YARS1: variants seen among roughly 807,000 people sequenced by gnomAD.
The protein encoded by YARS1 is tyrosine--tRNA ligase, cytoplasmic.
YARS1 carries 36 observed loss-of-function variants against 62.2 expected under a neutral mutation model. The ratio of observed to expected loss-of-function variants is 0.58; its 90% CI spans 0.44 to 0.76. YARS1 has a LOEUF of 0.76. Among genes scored for constraint, YARS1 ranks in the 30% least tolerant of loss-of-function variants. YARS1 has a pLI of 0.00. For synonymous variants in YARS1, 234 were observed against 244.9 expected, an observed-to-expected ratio of 0.96 and a Z score of 0.42; for missense variants, 524 against 639.8, an observed-to-expected ratio of 0.82 and a Z score of 1.95.
chr1:32,799,952 C>T (rs1383974407), intron 4 of YARS1, among the ~76,000 whole-genome samples: 1 of 151,832 alleles, frequency 6.6e-6, no homozygotes, highest in Non-Finnish European at 1.5e-5. Flanking sequence ...AACCATGGCG[C>T]CCAGCCAACA....
intron 7 of YARS1, 178 bp downstream of exon 7, chr1:32,786,762 T>C: frequency 1.1e-6 from 1 of 942,956 alleles, no homozygotes; most frequent in Non-Finnish European, 1.6e-6. Context: ...TGGTAACGAA[T>C]ATATGGACAA....
chr1:32,812,393 G>T (rs185311651), intron 1 of YARS1, among the ~76,000 whole-genome samples: 1 of 152,152 alleles, frequency 6.6e-6, no homozygotes, highest in Admixed American at 6.6e-5. Context: ...ACTCTCTGTA[G>T]CAATAAGATA....
chr1:32,784,065 C>T (rs1259864081), intron 8 of YARS1, among the ~76,000 whole-genome samples: 3 of 150,936 alleles, frequency 2.0e-5, no homozygotes, highest in Admixed American at 6.6e-5. Context: ...AGTACAGTGG[C>T]GCAATCATGG....
chr1:32,797,751 GCAGA>G lies in YARS1; in HGVS notation c.591+8_591+11del, dbSNP rs1653651331. 1 of 1,612,938 alleles carries G rather than the reference GCAGA, an allele frequency of 6.2e-7. No individual in the cohort carries two copies. Among genetic ancestry groups the G allele is most frequent in the Non-Finnish European group, 8.5e-7 (1 of 1,179,058 alleles). On this transcript the variant is annotated splice_region_variant and intron_variant, in intron 5 of 12. Coordinates refer to ENST00000373477, the MANE Select transcript of YARS1 (RefSeq NM_003680.4). ...GGTGCAAGTGAAAAAAGACAGGAAA[GCAGA>G]CACTCACCTTCTCTGCAAAGGTGAA...
chr1:32,798,382 C>T (rs571216418), intron 4 of YARS1, among the ~76,000 whole-genome samples: 1 of 152,306 alleles, frequency 6.6e-6, no homozygotes, highest in East Asian at 1.9e-4. Context: ...GTAGTCTCTG[C>T]CCTCAGGATA....
chr1:32,789,316 T>C (rs1381581952), intron 6 of YARS1, among the ~76,000 whole-genome samples: 1 of 152,218 alleles, frequency 6.6e-6, no homozygotes, highest in African/African-American at 2.4e-5. Context: ...TTCAAAATTG[T>C]TTTTTGAAAG....
At chr1:32,796,890 G>A (rs572351095) in intron 5 of YARS1, among the ~76,000 whole-genome samples, 211 of 140,548 alleles carry the variant, frequency 1.5e-3, no homozygotes, top group African/African-American at 5.1e-3. Flanking sequence ...GCTTGAACCC[G>A]GGAGGTGGAG....
chr1:32,796,363 T>C (rs1653582838), intron 5 of YARS1, among the ~76,000 whole-genome samples: 1 of 146,796 alleles, frequency 6.8e-6, no homozygotes, highest in South Asian at 2.1e-4. Flanking sequence ...TTTATTTTTT[T>C]CTTTTTTGTT....
In YARS1 at chr1:32,775,785, T is replaced by C; in HGVS notation, c.*196A>G. 1 of 616,880 alleles carries C rather than the reference T, an allele frequency of 1.6e-6. No homozygotes were observed. Among genetic ancestry groups the C allele is most frequent in the Non-Finnish European group, 2.9e-6 (1 of 343,660 alleles). 38.2% of individuals were successfully genotyped at this position (616,880 alleles called of 1,614,324 possible). A position where few individuals can be genotyped will look rare whatever the true frequency, so the allele number is the denominator to read the frequency against. On this transcript the variant is annotated 3_prime_UTR_variant, in exon 13 of 13. Coordinates refer to ENST00000373477, the MANE Select transcript of YARS1 (RefSeq NM_003680.4). The stretch of plus-strand genomic sequence containing the variant: ...GCCCAGCCCTTGTTAGGGGTTGGTC[T>C]CTCACTGCAGCCAGACAGGATGATC...
intron 12 of YARS1, 50 bp downstream of exon 12, chr1:32,779,332 A>G (rs1652979653): frequency 6.2e-7 from 1 of 1,613,842 alleles, no homozygotes; most frequent in Non-Finnish European, 8.5e-7. Flanking sequence ...CAGTCTGGGG[A>G]CACAGTCCAG....
At position 32,780,115 on chromosome 1, in the gene YARS1, T is replaced by G; in HGVS notation, c.1304A>C (p.Glu435Ala). Reference sequence around the variant, plus strand: ...AGCACACAGAAGCATGCCTTGGGACTCGACTCCTCTCATCTTCTGGGGTTT... The same window carrying G: ...AGCACACAGAAGCATGCCTTGGGACGCGACTCCTCTCATCTTCTGGGGTTT... ...NLKPQKMRGV[E>A]SQGMLLCASI... is the part of the protein sequence containing the mutation. Residue 435 changes from glutamate to alanine, a missense_variant, in exon 11 of 13, where the codon GAG (glutamate) becomes GCG (alanine). Glu to Ala is a moderately radical substitution (Grantham distance 107). Transcript: ENST00000373477. The G allele has an allele frequency of 6.2e-7, 1 of 1,614,132 alleles. No individual in the cohort carries two copies. The highest frequency in any genetic ancestry group is 8.5e-7 in the Non-Finnish European group (1 of 1,180,032).
At chr1:32,799,491 A>C (rs1033593105) in intron 4 of YARS1, among the ~76,000 whole-genome samples, 17 of 152,226 alleles carry the variant, frequency 1.1e-4, no homozygotes, top group Non-Finnish European at 1.8e-4. Context: ...ACAAAAGACA[A>C]TGAGGACGCA....
chr1:32,787,975 T>C (rs1369089571), intron 6 of YARS1, among the ~76,000 whole-genome samples: 1 of 152,044 alleles, frequency 6.6e-6, no homozygotes, highest in Non-Finnish European at 1.5e-5. Context: ...CTGGGTGTGG[T>C]TGTACGCGCC....
At chr1:32,787,543 T>C (rs1569724185) in intron 6 of YARS1, among the ~76,000 whole-genome samples, 1 of 150,570 alleles carries the variant, frequency 6.6e-6, no homozygotes, top group Non-Finnish European at 1.5e-5. Flanking sequence ...GGAGTCTCAC[T>C]CTGTTGCCCA....
At chr1:32,805,716 C>T (rs1428392326) in intron 4 of YARS1, among the ~76,000 whole-genome samples, 6 of 152,152 alleles carry the variant, frequency 3.9e-5, no homozygotes, top group African/African-American at 1.4e-4. Flanking sequence ...AATCCCAGCA[C>T]TGTGGGAGGC....
intron 4 of YARS1, 98 bp downstream of exon 4, chr1:32,806,384 A>AT: frequency 6.3e-7 from 1 of 1,592,966 alleles, no homozygotes; most frequent in Non-Finnish European, 8.6e-7. Flanking sequence ...AAAAAACACA[A>AT]TATCTGCGTA....
At chr1:32,796,785 G>A (rs1161143429) in intron 5 of YARS1, among the ~76,000 whole-genome samples, 1 of 150,226 alleles carries the variant, frequency 6.7e-6, no homozygotes, top group African/African-American at 2.5e-5. Context: ...CCAACATGGT[G>A]AAACCCCATC....
rs538605081 is a variant in YARS1, at chr1:32,803,584, A to C, written c.510+2898T>G. On this transcript the variant is annotated intron_variant, in intron 4 of 12. Transcript: ENST00000373477. The stretch of plus-strand genomic sequence containing the variant: ...AGGAATCAACTTCTCTCTAGCTACG[A>C]AAGTCCGAGATGGCATCTTCTTCCG... Among the ~76,000 whole-genome samples the C allele has an allele frequency of 3.9e-5, 6 of 152,278 alleles. No individual in the cohort carries two copies. The South Asian group carries it at 1.2e-3, about 32-fold the overall frequency.
intron 1 of YARS1, among the ~76,000 whole-genome samples, chr1:32,812,304 C>T (rs1638604358): frequency 2.0e-5 from 3 of 152,174 alleles, no homozygotes; most frequent in Non-Finnish European, 4.4e-5. Context: ...TGAGCCACCC[C>T]ACCTGGTGAT....
Sources: gnomAD v4.1 joint callset for allele counts (sites outside exome capture counted in the v4.1 genomes callset) on GRCh38, gnomAD v4.1.1 for gene constraint, MANE v1.5 for transcripts, NCBI Gene and HGNC (gene_info 2026-07-23, HGNC 2026-07-21) for gene names.